DDHD1: variants seen among roughly 807,000 people sequenced by gnomAD.
DDHD1 encodes phospholipase DDHD1.
DDHD1 carries 49 observed loss-of-function variants against 96.4 expected under a neutral mutation model. That is an observed-to-expected ratio of 0.51 (90% confidence interval 0.40 to 0.64). DDHD1 has a LOEUF of 0.64. Among genes scored for constraint, DDHD1 ranks in the 30% least tolerant of loss-of-function variants. DDHD1 has a pLI of 0.00. For missense variants in DDHD1, 1,106 were observed against 1,161.2 expected, an observed-to-expected ratio of 0.95 and a Z score of 0.69; for synonymous variants, 442 against 446.5, an observed-to-expected ratio of 0.99 and a Z score of 0.13.
At chr14:53,063,634 TG>T (rs1286866830) in intron 6 of DDHD1, among the ~76,000 whole-genome samples, 1 of 152,128 alleles carries the variant, frequency 6.6e-6, no homozygotes, top group Non-Finnish European at 1.5e-5. Context: ...AATGAGTATC[TG>T]GGCTTATGAT....
At chr14:53,113,417 T>C (rs1253575468) in intron 1 of DDHD1, among the ~76,000 whole-genome samples, 2 of 134,108 alleles carry the variant, frequency 1.5e-5, no homozygotes, top group Admixed American at 7.4e-5. Context: ...AAAAAAAGTA[T>C]GAGAAACTCT....
At chr14:53,111,413 T>C (rs949489783) in intron 1 of DDHD1, among the ~76,000 whole-genome samples, 6 of 152,148 alleles carry the variant, frequency 3.9e-5, no homozygotes, top group African/African-American at 7.2e-5. Flanking sequence ...TAGCTAGGAC[T>C]GGGTAGCTAT....
intron 1 of DDHD1, among the ~76,000 whole-genome samples, chr14:53,108,672 A>G (rs1324329620): frequency 6.6e-6 from 1 of 152,234 alleles, no homozygotes; most frequent in Non-Finnish European, 1.5e-5. Context: ...AAGCGAAACC[A>G]CAGCTATAAA....
chr14:53,122,826 C>T (rs1889104186), intron 1 of DDHD1, among the ~76,000 whole-genome samples: 1 of 151,838 alleles, frequency 6.6e-6, no homozygotes, highest in Admixed American at 6.6e-5. Flanking sequence ...CTCAGCCTCC[C>T]AAAGTACTGG....
intron 2 of DDHD1, 88 bp from the exon 3 acceptor site, chr14:53,093,532 ATATG>A: frequency 6.7e-7 from 1 of 1,503,380 alleles, no homozygotes; most frequent in Non-Finnish European, 8.9e-7. Context: ...TTTAAAATCA[ATATG>A]TTATCTAAAA....
intron 4 of DDHD1, among the ~76,000 whole-genome samples, chr14:53,087,330 C>G (rs1886065087): frequency 6.6e-6 from 1 of 152,102 alleles, no homozygotes; most frequent in East Asian, 1.9e-4. Flanking sequence ...ATCTGCAGAC[C>G]TCTCCACCCC....
chr14:53,069,754 C>A (rs1232492303), intron 6 of DDHD1, among the ~76,000 whole-genome samples: 1 of 152,128 alleles, frequency 6.6e-6, no homozygotes, highest in Non-Finnish European at 1.5e-5. Flanking sequence ...ATTCCAGTAC[C>A]TGCCACCCCC....
At chr14:53,131,026 C>T (rs113741551) in intron 1 of DDHD1, among the ~76,000 whole-genome samples, 320 of 152,326 alleles carry the variant, frequency 2.1e-3, no homozygotes, top group African/African-American at 7.5e-3. Flanking sequence ...GTCTCCATAA[C>T]TGTTGTGGGT....
chr14:53,114,064 A>C (rs1313830557), intron 1 of DDHD1, among the ~76,000 whole-genome samples: 1 of 152,172 alleles, frequency 6.6e-6, no homozygotes, highest in Non-Finnish European at 1.5e-5. Context: ...CCAAGGCTTT[A>C]GTAGGTGGTT....
intron 4 of DDHD1, among the ~76,000 whole-genome samples, chr14:53,089,667 C>T (rs973264460): frequency 2.6e-5 from 4 of 152,118 alleles, no homozygotes; most frequent in Non-Finnish European, 5.9e-5. Flanking sequence ...CTTCCTTACA[C>T]AAAATTAATT....
At chr14:53,113,552 G>A (rs948794078) in intron 1 of DDHD1, among the ~76,000 whole-genome samples, 6 of 151,992 alleles carry the variant, frequency 3.9e-5, no homozygotes, top group African/African-American at 7.2e-5. Flanking sequence ...GAGGTGCCCC[G>A]TTCATTTCAT....
intron 1 of DDHD1, among the ~76,000 whole-genome samples, chr14:53,133,232 C>A (rs1380755953): frequency 6.6e-6 from 1 of 152,194 alleles, no homozygotes; most frequent in African/African-American, 2.4e-5. Flanking sequence ...CTGCCCAGGA[C>A]TGGCAAATTG....
intron 4 of DDHD1, among the ~76,000 whole-genome samples, chr14:53,082,758 CAAA>C (rs11368593): frequency 1.1e-4 from 11 of 98,828 alleles, no homozygotes; most frequent in East Asian, 3.3e-4. Flanking sequence ...GACTCTATCT[CAAA>C]AAAAAAAAAA....
chr14:53,112,285 C>T (rs1380967499), intron 1 of DDHD1, among the ~76,000 whole-genome samples: 3 of 152,078 alleles, frequency 2.0e-5, no homozygotes, highest in South Asian at 4.1e-4. Context: ...GGCATGGTGG[C>T]ACACTCCTGT....
intron 7 of DDHD1, among the ~76,000 whole-genome samples, chr14:53,061,890 C>T (rs529116296): frequency 2.7e-4 from 41 of 151,866 alleles, no homozygotes; most frequent in Admixed American, 2.3e-3. Context: ...AAAAATGAGC[C>T]GGGCGTGGTA....
chr14:53,071,159 G>C (rs1242411517), intron 6 of DDHD1, among the ~76,000 whole-genome samples: 1 of 152,118 alleles, frequency 6.6e-6, no homozygotes, highest in African/African-American at 2.4e-5. Flanking sequence ...TTTGCAGATA[G>C]AGAAGCCATA....
intron 4 of DDHD1, among the ~76,000 whole-genome samples, chr14:53,079,520 T>C (rs1885269367): frequency 6.6e-6 from 1 of 152,224 alleles, no homozygotes; most frequent in Non-Finnish European, 1.5e-5. Context: ...AATTTGTCCA[T>C]TTAATCTAGG....
chr14:53,073,741 C>T lies in DDHD1; in HGVS notation c.1396G>A (p.Asp466Asn). The change falls in exon 5 of 13, where the codon GAC becomes AAC. Residue 466 changes from aspartate to asparagine, a missense_variant and splice_region_variant. Around this residue, in one of 2 missense-constraint regions of DDHD1, gnomAD observed 650 missense variants for 758.8 expected, o/e 0.86. Coordinates refer to ENST00000673822, the MANE Select transcript of DDHD1 (RefSeq NM_001160148.2). ...EWRSKLTLDG[D>N]TVDSITPDKV... ...TCATTCAATTTTTAAATAAATATACCTCCATCAAGAGTAAGTTTTGACCGC... is the reference window on the plus strand; with the variant it reads ...TCATTCAATTTTTAAATAAATATACTTCCATCAAGAGTAAGTTTTGACCGC... The T allele has an allele frequency of 2.5e-6, 4 of 1,598,878 alleles. No individual in the cohort carries two copies. The highest frequency in any genetic ancestry group is 3.4e-6 in the Non-Finnish European group (4 of 1,172,332).
chr14:53,151,036 A>G (rs143074501), intron 1 of DDHD1, among the ~76,000 whole-genome samples: 3 of 152,366 alleles, frequency 2.0e-5, no homozygotes, highest in African/African-American at 7.2e-5. Context: ...TGGAATTGCT[A>G]TCTTAGTAAG....
Sources: allele counts gnomAD v4.1 joint callset (sites outside exome capture counted in the v4.1 genomes callset), GRCh38; gene constraint gnomAD v4.1.1; regional missense constraint gnomAD v4.1.1; transcripts MANE v1.5; gene names NCBI Gene and HGNC (gene_info 2026-07-23, HGNC 2026-07-21).